SH3BGRL: variants seen among roughly 807,000 people sequenced by gnomAD.
SH3BGRL encodes adapter SH3BGRL.
A neutral mutation model predicts 9.8 loss-of-function variants in SH3BGRL; 7 were observed. The observed-to-expected ratio is 0.72, with a 90% CI of 0.41 to 1.35. The LOEUF (loss-of-function observed/expected upper bound fraction) is 1.35, where lower values mean the gene tolerates loss of function less well. SH3BGRL is among the 40% of genes most tolerant of loss of function. The pLI, the probability that SH3BGRL is intolerant of heterozygous loss-of-function variation, is 0.01. For synonymous variants in SH3BGRL, 36 were observed against 29.1 expected (o/e 1.24, Z -0.76); for missense variants, 73 against 84.4 (o/e 0.86, Z 0.53).
At chrX:81,212,366 T>C (rs1412108562) in intron 1 of SH3BGRL, among the ~76,000 whole-genome samples, 4 of 111,924 alleles carry the variant, frequency 3.6e-5, no homozygotes, top group Non-Finnish European at 7.5e-5. Context: ...TGGTGGGTTT[T>C]AAAGTGAGCA....
At chrX:81,237,296 A>G in intron 1 of SH3BGRL, 1 of 329,037 alleles carries the variant, frequency 3.0e-6, no homozygotes, top group Non-Finnish European at 5.9e-6. Flanking sequence ...TACTCATAGT[A>G]CCTGGTTTTA....
At chrX:81,282,707 A>G (rs1005282854) in intron 3 of SH3BGRL, among the ~76,000 whole-genome samples, 1 of 111,878 alleles carries the variant, frequency 8.9e-6, no homozygotes, top group Non-Finnish European at 1.9e-5. Context: ...TATGGCCCTA[A>G]ACGCCTACAT....
intron 3 of SH3BGRL, among the ~76,000 whole-genome samples, chrX:81,291,442 AC>A (rs746177295): frequency 3.9e-4 from 43 of 110,653 alleles, no homozygotes; most frequent in Non-Finnish European, 7.6e-4. Flanking sequence ...ATTAGAAACC[AC>A]CCCCCATGAT....
At chrX:81,251,959 A>T (rs1308332815) in intron 1 of SH3BGRL, among the ~76,000 whole-genome samples, 1 of 112,292 alleles carries the variant, frequency 8.9e-6, no homozygotes, top group Non-Finnish European at 1.9e-5. Context: ...GGAATTATTT[A>T]TATGGAATTC....
intron 1 of SH3BGRL, among the ~76,000 whole-genome samples, chrX:81,252,420 C>A (rs1195907045): frequency 8.9e-6 from 1 of 111,852 alleles, no homozygotes; most frequent in African/African-American, 3.2e-5. Flanking sequence ...TAGAATAAAT[C>A]ATTCCAGTTG....
chrX:81,279,204 G>T (rs1197539762), intron 3 of SH3BGRL, among the ~76,000 whole-genome samples: 1 of 112,082 alleles, frequency 8.9e-6, no homozygotes, highest in Non-Finnish European at 1.9e-5. Flanking sequence ...CTAGTACTGT[G>T]TTCATGTCAT....
chrX:81,252,812 T>A, intron 1 of SH3BGRL, among the ~76,000 whole-genome samples: 1 of 112,165 alleles, frequency 8.9e-6, no homozygotes, highest in East Asian at 2.8e-4. Context: ...TCAGCATTTT[T>A]AAAAATCAGT....
chrX:81,259,895 A>G (rs2075736024), intron 1 of SH3BGRL, among the ~76,000 whole-genome samples: 2 of 111,974 alleles, frequency 1.8e-5, no homozygotes, highest in Middle Eastern at 4.6e-3. Context: ...TGGTAAAGTC[A>G]TTGTAATTCA....
Position 81,279,811 on chromosome X carries a change from C to T in SH3BGRL, c.312+1400C>T, listed in dbSNP as rs188771723. On this transcript the variant is annotated intron_variant, in intron 3 of 3. Transcript: ENST00000373212. The stretch of plus-strand genomic sequence containing the variant: ...TCTCTAGCCAAATTTTGTAACAATT[C>T]GAAAGGGGAAGAAGCCTCCTGGCCA... Among the ~76,000 whole-genome samples, 896 of 111,155 alleles carry T rather than the reference C, an allele frequency of 8.1e-3. 2 individuals carry two copies. Among genetic ancestry groups the T allele is most frequent in the Non-Finnish European group, 9.7e-3 (513 of 52,977 alleles).
intron 3 of SH3BGRL, among the ~76,000 whole-genome samples, chrX:81,285,143 A>G (rs1048034422): frequency 1.8e-5 from 2 of 111,404 alleles, no homozygotes; most frequent in Non-Finnish European, 3.8e-5. Context: ...CTTCAGCTCA[A>G]TTTCTAGAGT....
intron 1 of SH3BGRL, among the ~76,000 whole-genome samples, chrX:81,248,732 A>T (rs1602610348): frequency 1.8e-5 from 2 of 111,733 alleles, no homozygotes; most frequent in African/African-American, 6.5e-5. Flanking sequence ...GGTATGGGAA[A>T]ATATCCGCAG....
At chrX:81,276,708 G>T (rs1045262174) in intron 1 of SH3BGRL, among the ~76,000 whole-genome samples, 2 of 110,697 alleles carry the variant, frequency 1.8e-5, no homozygotes, top group Non-Finnish European at 3.8e-5. Context: ...TTTAGATATT[G>T]ATATGCATCA....
Position 81,202,120 on chromosome X carries a change from C to T in SH3BGRL, c.-81C>T, listed in dbSNP as rs1001736743. ...CTTCTCTGCCAACCGCTGTTTCAGCCCCTAGCTGGATTCCAGCCATTGCTG... is the reference window on the plus strand; with the variant it reads ...CTTCTCTGCCAACCGCTGTTTCAGCTCCTAGCTGGATTCCAGCCATTGCTG... On this transcript the variant is annotated 5_prime_UTR_variant, in exon 1 of 4. Coordinates refer to ENST00000373212, the MANE Select transcript of SH3BGRL (RefSeq NM_003022.3). 1.0e-5 allele frequency: 10 copies of T among 999,480 alleles called. No individual in the cohort carries two copies. In the Middle Eastern group the frequency reaches 1.1e-3, roughly 107 times the overall value. 82.4% of individuals were successfully genotyped at this position (999,480 alleles called of 1,213,427 possible). A position where few individuals can be genotyped will look rare whatever the true frequency, so the allele number is the denominator to read the frequency against.
intron 1 of SH3BGRL, among the ~76,000 whole-genome samples, chrX:81,233,977 A>G (rs2075640185): frequency 8.9e-6 from 1 of 111,786 alleles, no homozygotes; most frequent in Non-Finnish European, 1.9e-5. Flanking sequence ...CTGCCTAGAT[A>G]TTTTTAAATG....
At chrX:81,202,380 C>A in intron 1 of SH3BGRL, 135 bp downstream of exon 1, 4 of 965,746 alleles carry the variant, frequency 4.1e-6, no homozygotes, top group Non-Finnish European at 5.2e-6. Flanking sequence ...TCCCACCCTT[C>A]TTCTTCCCTT....
intron 1 of SH3BGRL, among the ~76,000 whole-genome samples, chrX:81,258,652 T>C (rs942178327): frequency 1.2e-4 from 13 of 112,290 alleles, no homozygotes; most frequent in African/African-American, 4.2e-4. Context: ...ATGGGCCATT[T>C]CTAAGGGTCT....
chrX:81,221,081 G>A (rs2075598772), intron 1 of SH3BGRL, among the ~76,000 whole-genome samples: 1 of 111,568 alleles, frequency 9.0e-6, no homozygotes, highest in African/African-American at 3.3e-5. Flanking sequence ...AGAAGAATGT[G>A]TATTCTGCAG....
chrX:81,290,095 A>G (rs2075852090), intron 3 of SH3BGRL, among the ~76,000 whole-genome samples: 1 of 111,906 alleles, frequency 8.9e-6, no homozygotes, highest in South Asian at 3.7e-4. Context: ...GGTAAGGATG[A>G]GGAGAAAAGG....
At chrX:81,237,327 G>T (rs1048879632) in intron 1 of SH3BGRL, 3 of 316,735 alleles carry the variant, frequency 9.5e-6, no homozygotes, top group African/African-American at 8.1e-5. Flanking sequence ...GGTGAAAGAG[G>T]CACTGAAAAG....
Sources: allele counts gnomAD v4.1 joint callset (sites outside exome capture counted in the v4.1 genomes callset), GRCh38; gene constraint gnomAD v4.1.1; transcripts MANE v1.5; gene names NCBI Gene and HGNC (gene_info 2026-07-23, HGNC 2026-07-21).